Variants in EXT1 observed in about 807,000 individuals in gnomAD.
The protein encoded by EXT1 is exostosin glycosyltransferase 1.
A neutral mutation model predicts 82.5 loss-of-function variants in EXT1; 20 were observed. That is an observed-to-expected ratio of 0.24 (90% CI 0.17 to 0.35). The LOEUF (loss-of-function observed/expected upper bound fraction) is 0.35. EXT1 is among the 10% of genes least tolerant of loss of function. The pLI is 1.00. For synonymous variants in EXT1, 348 were observed against 350.8 expected, an observed-to-expected ratio of 0.99 and a Z score of 0.09; for missense variants, 757 against 936.5, an observed-to-expected ratio of 0.81 and a Z score of 2.50.
rs538082326 is a variant in EXT1, at chr8:117,836,870, T to C, written c.1056+238A>G. Among the ~76,000 whole-genome samples the C allele has an allele frequency of 4.6e-5, 7 of 152,348 alleles. No homozygotes were observed. The South Asian group carries it at 1.2e-3, about 27-fold the overall frequency. On this transcript the variant is annotated intron_variant, in intron 2 of 10. Coordinates refer to ENST00000378204, the MANE Select transcript of EXT1 (RefSeq NM_000127.3). ...CTGGCAATTAGATTTGCCTTCTGTT[T>C]CTAAACATGACCCAGAAGAATCCAC...
chr8:118,099,843 T>A (rs779330659), intron 1 of EXT1, among the ~76,000 whole-genome samples: 8 of 152,218 alleles, frequency 5.3e-5, no homozygotes, highest in Non-Finnish European at 1.2e-4. Context: ...ATCCTCATCA[T>A]CAACTGGGGT....
At chr8:118,070,548 G>A (rs1314385009) in intron 1 of EXT1, among the ~76,000 whole-genome samples, 1 of 152,054 alleles carries the variant, frequency 6.6e-6, no homozygotes, top group Non-Finnish European at 1.5e-5. Context: ...AGGGAAAATC[G>A]GAACTGATCT....
At position 118,069,552 on chromosome 8, in the gene EXT1, T is replaced by C. The variant is rs1586375274; in HGVS notation, c.962+40533A>G. Among the ~76,000 whole-genome samples, 4 of 152,136 alleles carry C rather than the reference T, an allele frequency of 2.6e-5. No homozygotes were observed. The South Asian group carries it at 8.3e-4, about 32-fold the overall frequency. The stretch of plus-strand genomic sequence containing the variant: ...GGCAAAGTGTAAGTGGTAGGTAGCA[T>C]GTTTGGAAGGACTACAGATCTAGAG... On this transcript the variant is annotated intron_variant, in intron 1 of 10. Transcript: ENST00000378204.
At chr8:118,082,035 A>G (rs904647309) in intron 1 of EXT1, among the ~76,000 whole-genome samples, 1 of 152,198 alleles carries the variant, frequency 6.6e-6, no homozygotes, top group African/African-American at 2.4e-5. Flanking sequence ...TTAACAGTAT[A>G]AAAACGATCA....
At chr8:118,071,009 T>C (rs1817081543) in intron 1 of EXT1, among the ~76,000 whole-genome samples, 2 of 152,242 alleles carry the variant, frequency 1.3e-5, no homozygotes, top group South Asian at 4.1e-4. Flanking sequence ...TGTTTTGAAG[T>C]AGCTTTTATG....
intron 1 of EXT1, among the ~76,000 whole-genome samples, chr8:118,011,375 T>A (rs1815896163): frequency 6.6e-6 from 1 of 152,152 alleles, no homozygotes; most frequent in African/African-American, 2.4e-5. Context: ...TGAACACCAG[T>A]GAATGACTAG....
intron 1 of EXT1, among the ~76,000 whole-genome samples, chr8:118,046,720 A>C (rs1022151762): frequency 6.6e-6 from 1 of 152,328 alleles, no homozygotes; most frequent in Admixed American, 6.5e-5. Flanking sequence ...TAGTTTTATT[A>C]ATCTGTAAAC....
intron 1 of EXT1, among the ~76,000 whole-genome samples, chr8:117,860,179 A>G (rs1282097973): frequency 1.3e-5 from 2 of 151,824 alleles, no homozygotes; most frequent in Non-Finnish European, 2.9e-5. Flanking sequence ...AATGAAAGAA[A>G]ATGAAATCAT....
chr8:118,047,693 A>G (rs1361599247), intron 1 of EXT1, among the ~76,000 whole-genome samples: 1 of 152,220 alleles, frequency 6.6e-6, no homozygotes, highest in Non-Finnish European at 1.5e-5. Flanking sequence ...GATGCCAGAT[A>G]AAATACAGAG....
At chr8:118,098,650 T>C (rs981379464) in intron 1 of EXT1, among the ~76,000 whole-genome samples, 5 of 151,418 alleles carry the variant, frequency 3.3e-5, no homozygotes, top group African/African-American at 1.2e-4. Flanking sequence ...TCCCAGCTAC[T>C]TGGGAGGCTG....
intron 1 of EXT1, among the ~76,000 whole-genome samples, chr8:117,975,361 A>G (rs371559028): frequency 1.3e-5 from 2 of 152,290 alleles, no homozygotes; most frequent in East Asian, 1.9e-4. Flanking sequence ...TAACACCATC[A>G]ATGGAATAAA....
chr8:117,951,557 C>T (rs1814491990), intron 1 of EXT1, among the ~76,000 whole-genome samples: 1 of 152,142 alleles, frequency 6.6e-6, no homozygotes, highest in African/African-American at 2.4e-5. Context: ...ATACCTGCTG[C>T]CTATGGAAAA....
At position 117,799,564 on chromosome 8, in the gene EXT1, G is replaced by T; in HGVS notation, c.*148C>A. ...AGGAGCCAGGAGTTGAGTTCTCATT[G>T]GCCTTTTTTTTTTTGTCATTCTGCT... On this transcript the variant is annotated 3_prime_UTR_variant, in exon 11 of 11. Coordinates refer to ENST00000378204, the MANE Select transcript of EXT1 (RefSeq NM_000127.3). 1.1e-6 allele frequency: 1 copy of T among 876,044 alleles called. No homozygotes were observed. The highest frequency in any genetic ancestry group is 1.8e-6 in the Non-Finnish European group (1 of 561,464). 54.3% of individuals were successfully genotyped at this position (876,044 alleles called of 1,614,324 possible).
intron 1 of EXT1, among the ~76,000 whole-genome samples, chr8:118,017,611 A>G (rs1424347709): frequency 6.6e-6 from 1 of 152,236 alleles, no homozygotes; most frequent in Non-Finnish European, 1.5e-5. Context: ...CCAATGAACA[A>G]AACAGATATC....
At chr8:117,918,117 C>T (rs779159397) in intron 1 of EXT1, among the ~76,000 whole-genome samples, 32 of 152,154 alleles carry the variant, frequency 2.1e-4, no homozygotes, top group Admixed American at 1.3e-3. Flanking sequence ...CTTTAAACAG[C>T]ACGAGATGCT....
In EXT1 at chr8:117,835,496, A is replaced by G; in HGVS notation, c.1112T>C (p.Val371Ala). ...SNGWELPFSEVINWNQAAVIG... is the reference protein window; with the variant it reads ...SNGWELPFSEAINWNQAAVIG... ...GACGGCAGCTTGGTTCCAATTAATC[A>G]CTTCAGAGAATGGCAACTCCCATCC... The change falls in exon 3 of 11, where the codon GTG becomes GCG. Residue 371 changes from valine to alanine, a missense_variant. This residue lies in a region of EXT1 where 247 missense variants were observed against 330.1 expected (regional missense o/e 0.75). Coordinates refer to ENST00000378204, the MANE Select transcript of EXT1 (RefSeq NM_000127.3). 1 of 1,614,124 alleles carries G rather than the reference A, an allele frequency of 6.2e-7. No homozygotes were observed. The highest frequency in any genetic ancestry group is 8.5e-7 in the Non-Finnish European group (1 of 1,180,012).
intron 1 of EXT1, among the ~76,000 whole-genome samples, chr8:118,000,439 C>T (rs564823879): frequency 6.6e-6 from 1 of 152,308 alleles, no homozygotes; most frequent in South Asian, 2.1e-4. Flanking sequence ...ACAAGGGATG[C>T]CTAGAGTTGC....
rs949050700 is a variant in EXT1, at chr8:117,795,537, C to A, written c.*4175G>T. The A allele has an allele frequency of 2.0e-5, 3 of 150,716 alleles. No individual in the cohort carries two copies. Among genetic ancestry groups the A allele is most frequent in the Non-Finnish European group, 4.4e-5 (3 of 67,876 alleles). 9.3% of individuals were successfully genotyped at this position (150,716 alleles called of 1,614,324 possible). On this transcript the variant is annotated 3_prime_UTR_variant, in exon 11 of 11. Coordinates refer to ENST00000378204, the MANE Select transcript of EXT1 (RefSeq NM_000127.3). ...GGGGGCCAGGCGCAGTGGCTTACAC[C>A]TGTAATCTCAGCACTTTGGGAGGCA...
At chr8:117,975,756 A>G (rs1444938519) in intron 1 of EXT1, among the ~76,000 whole-genome samples, 1 of 152,236 alleles carries the variant, frequency 6.6e-6, no homozygotes, top group East Asian at 1.9e-4. Context: ...ATGGCTTCAT[A>G]CAGTGCTTCA....
Sources: gnomAD v4.1 joint callset for allele counts (sites outside exome capture counted in the v4.1 genomes callset) on GRCh38, gnomAD v4.1.1 for gene constraint, gnomAD v4.1.1 regional missense constraint, MANE v1.5 for transcripts, NCBI Gene and HGNC (gene_info 2026-07-23, HGNC 2026-07-21) for gene names.